The following SEL1L3 variants were observed in gnomAD, a reference collection of about 807,000 sequenced individuals.
SEL1L3 encodes SEL1L family member 3, also known as protein sel-1 homolog 3.
In SEL1L3, 76 loss-of-function variants were observed where a neutral mutation model predicts 142.8. The ratio of observed to expected loss-of-function variants is 0.53; its 90% CI spans 0.44 to 0.64. SEL1L3 has a LOEUF of 0.64. Ranked by LOEUF, SEL1L3 falls within the 30% of genes least tolerant of loss-of-function variation. The pLI, the probability that SEL1L3 is intolerant of heterozygous loss-of-function variation, is 0.00. For synonymous variants in SEL1L3, 504 were observed against 519.6 expected (o/e 0.97, Z 0.41); for missense variants, 1,262 against 1,381.7 (o/e 0.91, Z 1.37).
At chr4:25,779,777 T>G (rs1413046649) in intron 15 of SEL1L3, among the ~76,000 whole-genome samples, 1 of 152,188 alleles carries the variant, frequency 6.6e-6, no homozygotes, top group Non-Finnish European at 1.5e-5. Flanking sequence ...CACAGATTAC[T>G]CTTATTTTTC....
chr4:25,838,432 G>T (rs1472337503), intron 2 of SEL1L3, among the ~76,000 whole-genome samples: 1 of 152,196 alleles, frequency 6.6e-6, no homozygotes, highest in African/African-American at 2.4e-5. Flanking sequence ...AAGTGTGAGT[G>T]TCTTATTGAA....
rs769670542 is a variant in SEL1L3, at chr4:25,835,247, A to G, written c.810T>C (p.Phe270=). The change falls in exon 3 of 24, where the codon TTT becomes TTC. Residue 270 remains phenylalanine (F), a synonymous_variant. Transcript: ENST00000399878. ...NTGIVKKFPR[F]RNRELEATRR... ...GAGTGGCCTCCAGCTCTCGGTTCCG[A>G]AACCTCGGGAACTTCTTGACAATGC... is the stretch of plus-strand genomic sequence containing the variant. The G allele has an allele frequency of 1.2e-6, 2 of 1,613,992 alleles. No homozygotes were observed. The highest frequency in any genetic ancestry group is 1.7e-6 in the Non-Finnish European group (2 of 1,179,878).
At chr4:25,832,259 C>T (rs906876490) in intron 5 of SEL1L3, among the ~76,000 whole-genome samples, 1 of 152,176 alleles carries the variant, frequency 6.6e-6, no homozygotes, top group Non-Finnish European at 1.5e-5. Context: ...ACAAGACAAA[C>T]AAAATGCCTC....
At chr4:25,782,002 T>C (rs904925876) in intron 15 of SEL1L3, among the ~76,000 whole-genome samples, 3 of 152,230 alleles carry the variant, frequency 2.0e-5, no homozygotes, top group African/African-American at 7.2e-5. Flanking sequence ...TCCTGGCTGC[T>C]TTGGCTTTCA....
intron 5 of SEL1L3, among the ~76,000 whole-genome samples, chr4:25,831,936 A>C (rs1249878960): frequency 6.6e-6 from 1 of 152,176 alleles, no homozygotes; most frequent in Non-Finnish European, 1.5e-5. Context: ...GCAAAATAAG[A>C]TCTGTGAATC....
intron 17 of SEL1L3, among the ~76,000 whole-genome samples, chr4:25,769,319 T>C (rs916483046): frequency 5.3e-5 from 8 of 152,108 alleles, no homozygotes; most frequent in Non-Finnish European, 8.8e-5. Flanking sequence ...CAGTCAGACA[T>C]GCTGCAGGTC....
chr4:25,789,610 T>G (rs1156836540), intron 12 of SEL1L3, among the ~76,000 whole-genome samples: 2 of 147,216 alleles, frequency 1.4e-5, no homozygotes, highest in African/African-American at 5.0e-5. Flanking sequence ...AAAAAGCCCC[T>G]GTACTGTCTG....
intron 11 of SEL1L3, among the ~76,000 whole-genome samples, chr4:25,801,275 C>T (rs975923136): frequency 3.3e-5 from 5 of 152,198 alleles, no homozygotes; most frequent in African/African-American, 1.2e-4. Context: ...TGGTGGCACA[C>T]GCCTGTAATC....
At chr4:25,739,196 G>A in the SEL1L3 span, among the ~76,000 whole-genome samples, 33 of 151,698 alleles carry the variant, frequency 2.2e-4, no homozygotes, top group South Asian at 1.7e-3. Context: ...GCGACAGAGC[G>A]AGACTCTGTC....
intron 17 of SEL1L3, among the ~76,000 whole-genome samples, chr4:25,776,015 A>T (rs1313017235): frequency 6.6e-6 from 1 of 152,236 alleles, no homozygotes; most frequent in Non-Finnish European, 1.5e-5. Context: ...AAGGAAAGAG[A>T]AATCAATGTA....
chr4:25,721,805 G>A, the SEL1L3 span, among the ~76,000 whole-genome samples: 21 of 152,306 alleles, frequency 1.4e-4, 1 homozygote, highest in East Asian at 4.1e-3. Flanking sequence ...ACACTTCTCT[G>A]TCCCTTGACT....
At chr4:25,748,867 T>C (rs4697609) in intron 23 of SEL1L3, among the ~76,000 whole-genome samples, 41,039 of 152,072 alleles carry the variant, frequency 0.27, 7,590 homozygotes, top group African/African-American at 0.53. Context: ...TTTCTGGATA[T>C]ATGCGGGAAT....
At chr4:25,839,950 G>T (rs144687670) in intron 2 of SEL1L3, among the ~76,000 whole-genome samples, 3 of 152,104 alleles carry the variant, frequency 2.0e-5, no homozygotes, top group Admixed American at 1.3e-4. Context: ...GAAGAAAACA[G>T]GATGATTCAC....
chr4:25,745,027 T>C (rs1240098933), downstream of SEL1L3, among the ~76,000 whole-genome samples: 1 of 142,770 alleles, frequency 7.0e-6, no homozygotes, highest in Admixed American at 6.7e-5. Flanking sequence ...GTTTGTTTGT[T>C]TGTTTTTTAA....
Position 25,753,384 on chromosome 4 carries a change from C to T in SEL1L3, c.3259+4150G>A, listed in dbSNP as rs76925686. ...AACAATCCTCACCCAAAGCTGCTGACGGGAGGCTCCTAACTCTCAAATACA... is the reference window on the plus strand; with the variant it reads ...AACAATCCTCACCCAAAGCTGCTGATGGGAGGCTCCTAACTCTCAAATACA... On this transcript the variant is annotated intron_variant, in intron 23 of 23. Coordinates refer to ENST00000399878, the MANE Select transcript of SEL1L3 (RefSeq NM_015187.5). 3.1e-3 allele frequency among the ~76,000 whole-genome samples: 467 copies of T among 152,356 alleles called. 2 individuals carry two copies. Among genetic ancestry groups the T allele is most frequent in the African/African-American group, 0.011 (444 of 41,586 alleles).
chr4:25,745,572 T>G (rs1324504094), downstream of SEL1L3, among the ~76,000 whole-genome samples: 1 of 151,798 alleles, frequency 6.6e-6, no homozygotes, highest in Non-Finnish European at 1.5e-5. Context: ...GTGAAGGGAG[T>G]GTGATTTTGC....
chr4:25,723,437 C>G, the SEL1L3 span, among the ~76,000 whole-genome samples: 12 of 152,248 alleles, frequency 7.9e-5, no homozygotes, highest in Admixed American at 7.8e-4. Flanking sequence ...ATGTTTGTGA[C>G]TCTGAGATTT....
At position 25,788,096 on chromosome 4, in the gene SEL1L3, A is replaced by G; in HGVS notation, c.2217+128T>C. 1 of 858,214 alleles carries G rather than the reference A, an allele frequency of 1.2e-6. No individual in the cohort carries two copies. Among genetic ancestry groups the G allele is most frequent in the Non-Finnish European group, 1.8e-6 (1 of 543,422 alleles). The allele number at this position is 858,214 out of a possible 1,614,324, so 53.2% of individuals were successfully genotyped here. The stretch of plus-strand genomic sequence containing the variant: ...TTTTTAGCCAACATTCTTTTCCATC[A>G]AGAGTGACAGAAGCATATACTAAAT... On this transcript the variant is annotated intron_variant, in intron 13 of 23. Transcript: ENST00000399878. This position sits in a 1 kb window ranked among gnomAD's most constrained non-coding sequence, Gnocchi z 5.3.
the SEL1L3 span, among the ~76,000 whole-genome samples, chr4:25,730,855 C>T: frequency 6.6e-6 from 1 of 152,076 alleles, no homozygotes; most frequent in Non-Finnish European, 1.5e-5. Flanking sequence ...ATGGCGAAAC[C>T]CCATCTTGGC....
Sources: allele counts gnomAD v4.1 joint callset (sites outside exome capture counted in the v4.1 genomes callset), GRCh38; gene constraint gnomAD v4.1.1; non-coding constraint Gnocchi (gnomAD v3.1); transcripts MANE v1.5; gene names NCBI Gene and HGNC (gene_info 2026-07-23, HGNC 2026-07-21).